Variants in KDM2B observed in about 807,000 individuals in gnomAD.
The protein encoded by KDM2B is lysine-specific demethylase 2B.
Under a neutral mutation model 150.0 loss-of-function variants are expected in KDM2B, and 26 were observed. The observed-to-expected ratio is 0.17, with a 90% CI of 0.13 to 0.24. KDM2B has a LOEUF of 0.24. Among genes scored for constraint, KDM2B ranks in the 10% least tolerant of loss-of-function variants. The pLI, the probability that KDM2B is intolerant of heterozygous loss-of-function variation, is 1.00. For synonymous variants in KDM2B, 734 were observed against 729.5 expected (o/e 1.01, Z -0.10); for missense variants, 1,265 against 1,816.9 (o/e 0.70, Z 5.52).
At chr12:121,523,514 C>A (rs1188645761) in intron 8 of KDM2B, among the ~76,000 whole-genome samples, 1 of 152,232 alleles carries the variant, frequency 6.6e-6, no homozygotes, top group Non-Finnish European at 1.5e-5. Flanking sequence ...GCCCCCCAAG[C>A]CCGAGCGGTT....
At chr12:121,531,166 G>A (rs1887635600) in intron 8 of KDM2B, among the ~76,000 whole-genome samples, 1 of 152,078 alleles carries the variant, frequency 6.6e-6, no homozygotes, top group Non-Finnish European at 1.5e-5. Context: ...TGACCACCAA[G>A]TGCAGTTCCC....
At chr12:121,516,947 C>T (rs527433417) in intron 9 of KDM2B, 4 of 625,808 alleles carry the variant, frequency 6.4e-6, no homozygotes, top group African/African-American at 3.8e-5. Context: ...AAATTATTTG[C>T]AATTTCCAAA....
At chr12:121,506,951 G>A (rs1050827520) in intron 11 of KDM2B, among the ~76,000 whole-genome samples, 1 of 151,116 alleles carries the variant, frequency 6.6e-6, no homozygotes, top group African/African-American at 2.4e-5. Context: ...AAAAAAATTA[G>A]CCCGGCGAGG....
At chr12:121,427,202 T>TCAGA (rs1555284364), downstream of KDM2B, among the ~76,000 whole-genome samples, 2 of 152,112 alleles carry the variant, frequency 1.3e-5, no homozygotes, top group Non-Finnish European at 2.9e-5. Flanking sequence ...AGTAGTTGCT[T>TCAGA]GTAGCATTTA....
intron 12 of KDM2B, among the ~76,000 whole-genome samples, chr12:121,463,635 C>T (rs1879418819): frequency 6.6e-6 from 1 of 152,178 alleles, no homozygotes; most frequent in Non-Finnish European, 1.5e-5. Context: ...AGCTGGAATG[C>T]AATGGGGCCA....
chr12:121,574,586 C>A lies in KDM2B; in HGVS notation c.358G>T (p.Asp120Tyr). ...EKDGLGIKMP[D>Y]PDFTVRDVKL... ...ACGTCTCGGACTGTGAAATCAGGGT[C>A]AGGCATCCTGGGGAAAGAGGAGCAC... is the stretch of plus-strand genomic sequence containing the variant. The change falls in exon 4 of 23, where the codon GAC becomes TAC. Residue 120 changes from aspartate to tyrosine, a missense_variant. Asp to Tyr is a radical substitution (Grantham distance 160). Transcript: ENST00000377071. 6.2e-7 allele frequency: 1 copy of A among 1,613,986 alleles called. No homozygotes were observed. The highest frequency in any genetic ancestry group is 1.1e-5 in the South Asian group (1 of 91,054).
At chr12:121,483,448 G>A (rs1172261844) in intron 12 of KDM2B, among the ~76,000 whole-genome samples, 3 of 151,818 alleles carry the variant, frequency 2.0e-5, no homozygotes, top group South Asian at 2.1e-4. Context: ...TGAGGCAGGC[G>A]GATCTCTTGA....
the KDM2B span, among the ~76,000 whole-genome samples, chr12:121,422,023 CG>C: frequency 2.0e-5 from 3 of 152,174 alleles, no homozygotes; most frequent in African/African-American, 7.2e-5. Flanking sequence ...TTTCAGAGGT[CG>C]TAGGCTGCTG....
intron 4 of KDM2B, among the ~76,000 whole-genome samples, chr12:121,567,444 C>G (rs1214097813): frequency 6.6e-6 from 1 of 152,142 alleles, no homozygotes; most frequent in African/African-American, 2.4e-5. Context: ...CACTGTGGCT[C>G]ACGCATGCAA....
At chr12:121,420,506 C>G in the KDM2B span, 3 of 1,576,814 alleles carry the variant, frequency 1.9e-6, no homozygotes, top group East Asian at 4.5e-5. Context: ...TATTCAGGGC[C>G]AGTGATGAGT....
chr12:121,528,442 C>G (rs747516152), intron 8 of KDM2B, among the ~76,000 whole-genome samples: 4 of 152,074 alleles, frequency 2.6e-5, no homozygotes, highest in Non-Finnish European at 4.4e-5. Flanking sequence ...GCTTGTAATC[C>G]CAGCTACTCA....
intron 1 of KDM2B, chr12:121,580,063 G>C (rs782225083): frequency 7.5e-6 from 12 of 1,595,568 alleles, no homozygotes; most frequent in Non-Finnish European, 1.0e-5. Flanking sequence ...TTTTTTAGGA[G>C]AGTTCACCAA....
In KDM2B at chr12:121,450,508, G is replaced by C. The variant is rs554796673; in HGVS notation, c.1959+2612C>G. Among the ~76,000 whole-genome samples, 41 of 152,158 alleles carry C rather than the reference G, an allele frequency of 2.7e-4. 1 individual carries two copies. The highest frequency in any genetic ancestry group is 9.9e-4 in the African/African-American group (41 of 41,512). ...ACGTCACCTCATACAAATTAGGATG[G>C]CCACTAAAAACAAACTGAAAGCCCA... On this transcript the variant is annotated intron_variant, in intron 13 of 22. Coordinates refer to ENST00000377071, the MANE Select transcript of KDM2B (RefSeq NM_032590.5).
At chr12:121,538,799 C>T (rs1888372558) in intron 6 of KDM2B, among the ~76,000 whole-genome samples, 1 of 152,112 alleles carries the variant, frequency 6.6e-6, no homozygotes, top group Non-Finnish European at 1.5e-5. Context: ...GCAGTGCTCA[C>T]CCAGGCAGCC....
the KDM2B span, chr12:121,419,989 T>G: frequency 5.0e-5 from 19 of 376,296 alleles, 1 homozygote; most frequent in South Asian, 4.7e-4. Flanking sequence ...CCTGAGAGAG[T>G]TAATACTCTG....
At chr12:121,464,147 C>T (rs1489155731) in intron 12 of KDM2B, among the ~76,000 whole-genome samples, 2 of 152,132 alleles carry the variant, frequency 1.3e-5, no homozygotes, top group Admixed American at 1.3e-4. Flanking sequence ...GCAGGAGGAT[C>T]GCTTGAGCCC....
chr12:121,560,728 T>A lies in KDM2B; in HGVS notation c.398-11090A>T, dbSNP rs148104458. Among the ~76,000 whole-genome samples the A allele has an allele frequency of 1.6e-3, 244 of 152,200 alleles. 3 individuals carry two copies. The East Asian group carries it at 0.043, about 27-fold the overall frequency. On this transcript the variant is annotated intron_variant, in intron 4 of 22. Coordinates refer to ENST00000377071, the MANE Select transcript of KDM2B (RefSeq NM_032590.5). ...AAGAATGAGCCCTCCAGCCTCCCGGTCTGATCTGCCACAGGAGCAAAGGGA... is the reference window on the plus strand; with the variant it reads ...AAGAATGAGCCCTCCAGCCTCCCGGACTGATCTGCCACAGGAGCAAAGGGA...
At chr12:121,556,216 C>A (rs1298810343) in intron 4 of KDM2B, among the ~76,000 whole-genome samples, 1 of 151,998 alleles carries the variant, frequency 6.6e-6, no homozygotes, top group African/African-American at 2.4e-5. Context: ...TGAGCCACTG[C>A]ACTCGGCCTG....
rs1254176113 is a variant in KDM2B at position 121,446,312 on chromosome 12, G to A, written c.1960-894C>T. Among the ~76,000 whole-genome samples the A allele has an allele frequency of 5.9e-5, 9 of 152,180 alleles. No individual in the cohort carries two copies. In the East Asian group the frequency reaches 1.7e-3, roughly 29 times the overall value. ...ACTCGGGAGACTGAGGCAGGAGAAT[G>A]GCGTGAACCCGGAAGACAGAGGTTG... On this transcript the variant is annotated intron_variant, in intron 13 of 22. Transcript: ENST00000377071.
Sources: allele counts gnomAD v4.1 joint callset (sites outside exome capture counted in the v4.1 genomes callset), GRCh38; gene constraint gnomAD v4.1.1; transcripts MANE v1.5; gene names NCBI Gene and HGNC (gene_info 2026-07-23, HGNC 2026-07-21).